The following CEP112 variants were observed in gnomAD, a reference collection of about 807,000 sequenced individuals.
CEP112 encodes centrosomal protein 112, also known as centrosomal protein of 112 kDa.
A neutral mutation model predicts 153.0 loss-of-function variants in CEP112; 127 were observed. That is an observed-to-expected ratio of 0.83 (90% CI 0.72 to 0.96). The LOEUF (loss-of-function observed/expected upper bound fraction) is 0.96. Among genes scored for constraint, CEP112 ranks in the 40% least tolerant of loss-of-function variants. The pLI is 0.00. For missense variants in CEP112, 1,089 were observed against 1,101.2 expected (o/e 0.99, Z 0.16); for synonymous variants, 358 against 374.4 (o/e 0.96, Z 0.51).
intron 9 of CEP112, among the ~76,000 whole-genome samples, chr17:66,067,887 T>C (rs2067180866): frequency 6.6e-6 from 1 of 152,094 alleles, no homozygotes; most frequent in Non-Finnish European, 1.5e-5. Context: ...ATTCTTCAGC[T>C]GGGCATGTCC....
At chr17:65,790,988 A>T (rs925084253) in intron 21 of CEP112, among the ~76,000 whole-genome samples, 4 of 151,978 alleles carry the variant, frequency 2.6e-5, no homozygotes, top group Non-Finnish European at 5.9e-5. Context: ...TCAGCACTGC[A>T]GGCTACCCTA....
intron 23 of CEP112, among the ~76,000 whole-genome samples, chr17:65,738,134 A>C (rs575755684): frequency 6.6e-6 from 1 of 152,254 alleles, no homozygotes; most frequent in Non-Finnish European, 1.5e-5. Context: ...CATCCAATCA[A>C]TTAAGAAACA....
At chr17:65,937,538 C>A (rs1310178026) in intron 18 of CEP112, among the ~76,000 whole-genome samples, 3 of 115,036 alleles carry the variant, frequency 2.6e-5, no homozygotes, top group Non-Finnish European at 3.6e-5. Flanking sequence ...CCCCTCTGCC[C>A]GGCCAGCCGC....
intron 18 of CEP112, among the ~76,000 whole-genome samples, chr17:65,935,977 CA>C (rs1277908024): frequency 6.6e-6 from 1 of 151,362 alleles, no homozygotes; most frequent in Non-Finnish European, 1.5e-5. Flanking sequence ...GTTGGTTTTT[CA>C]AAAAAATAAA....
chr17:66,061,199 T>A (rs2066908792), intron 11 of CEP112, among the ~76,000 whole-genome samples: 1 of 152,010 alleles, frequency 6.6e-6, no homozygotes, highest in Admixed American at 6.6e-5. Context: ...TCACTAATCA[T>A]TAGGGAAAGG....
At chr17:65,779,321 A>T (rs927930520) in intron 21 of CEP112, among the ~76,000 whole-genome samples, 1 of 152,212 alleles carries the variant, frequency 6.6e-6, no homozygotes, top group Non-Finnish European at 1.5e-5. Context: ...CTAATTTGAA[A>T]GCCCCTTCTT....
chr17:65,941,004 TA>T (rs2144479330), intron 18 of CEP112, among the ~76,000 whole-genome samples: 1 of 152,258 alleles, frequency 6.6e-6, no homozygotes, highest in South Asian at 2.1e-4. Context: ...TTGTATCTCA[TA>T]AATATATACA....
intron 16 of CEP112, among the ~76,000 whole-genome samples, chr17:66,027,060 G>A (rs191876707): frequency 9.4e-4 from 143 of 152,254 alleles, no homozygotes; most frequent in Admixed American, 1.6e-3. Context: ...TTAATTACTG[G>A]TTAGCTGAAA....
chr17:65,944,271 T>C (rs990282251), intron 18 of CEP112, among the ~76,000 whole-genome samples: 1 of 152,182 alleles, frequency 6.6e-6, no homozygotes. Context: ...ATGGCACATG[T>C]TTACCTATGT....
intron 6 of CEP112, among the ~76,000 whole-genome samples, chr17:66,112,771 CTG>C (rs1382828302): frequency 6.6e-6 from 1 of 152,186 alleles, no homozygotes; most frequent in Non-Finnish European, 1.5e-5. Context: ...TGGCAAAACC[CTG>C]TCTCTACTAA....
chr17:65,776,500 C>T (rs1168629757), intron 21 of CEP112, among the ~76,000 whole-genome samples: 1 of 152,240 alleles, frequency 6.6e-6, no homozygotes, highest in African/African-American at 2.4e-5. Context: ...TCTGGGATTA[C>T]AGGCGTGAGC....
chr17:66,038,289 T>C (rs2065827148), intron 12 of CEP112, among the ~76,000 whole-genome samples: 1 of 152,172 alleles, frequency 6.6e-6, no homozygotes, highest in South Asian at 2.1e-4. Context: ...ACAAATACTT[T>C]TGTATATACT....
rs573296436 is a variant in CEP112 at position 65,787,901 on chromosome 17, C to T, written c.2395-37177G>A. Among the ~76,000 whole-genome samples, 23 of 152,224 alleles carry T rather than the reference C, an allele frequency of 1.5e-4. 1 individual carries two copies. The South Asian group carries it at 4.6e-3, about 30-fold the overall frequency. On this transcript the variant is annotated intron_variant, in intron 21 of 26. Coordinates refer to ENST00000535342, the MANE Select transcript of CEP112 (RefSeq NM_001199165.4). Reference sequence around the variant, plus strand: ...TTGCTTCCCTCTTTCTAATTTGTATCCTATTTCTTTTTCTTGTATAGCTGT... The same window carrying T: ...TTGCTTCCCTCTTTCTAATTTGTATTCTATTTCTTTTTCTTGTATAGCTGT...
chr17:65,708,873 T>C (rs1354616355), intron 23 of CEP112, among the ~76,000 whole-genome samples: 1 of 152,168 alleles, frequency 6.6e-6, no homozygotes, highest in Non-Finnish European at 1.5e-5. Context: ...AGTGGGGTGG[T>C]CGTGGTGCCT....
intron 20 of CEP112, among the ~76,000 whole-genome samples, chr17:65,891,395 G>T (rs185154135): frequency 6.6e-6 from 1 of 152,196 alleles, no homozygotes; most frequent in East Asian, 1.9e-4. Context: ...TTAACATGCA[G>T]CTCACACTTA....
At chr17:66,090,603 T>C (rs1174205591) in intron 8 of CEP112, among the ~76,000 whole-genome samples, 1 of 151,744 alleles carries the variant, frequency 6.6e-6, no homozygotes, top group Admixed American at 6.6e-5. Flanking sequence ...ATTCATCAAA[T>C]CACAAAGAAA....
At chr17:65,674,021 C>T (rs766856836) in intron 24 of CEP112, among the ~76,000 whole-genome samples, 7 of 152,114 alleles carry the variant, frequency 4.6e-5, no homozygotes, top group Non-Finnish European at 7.4e-5. Flanking sequence ...GGATTACAGG[C>T]GTGCGCCACC....
At position 65,640,955 on chromosome 17, in the gene CEP112, A is replaced by T; in HGVS notation, c.2799+9T>A. ...AATCCTTGGAAAATGCCTTGATTCTAGTAATTACCTGTGATTTTAGGGAGG... is the reference window on the plus strand; with the variant it reads ...AATCCTTGGAAAATGCCTTGATTCTTGTAATTACCTGTGATTTTAGGGAGG... On this transcript the variant is annotated intron_variant, in intron 25 of 26. Transcript: ENST00000535342. 7.3e-7 allele frequency: 1 copy of T among 1,377,232 alleles called. No homozygotes were observed. The highest frequency in any genetic ancestry group is 1.7e-5 in the Admixed American group (1 of 59,556). The allele number at this position is 1,377,232 out of a possible 1,614,324, so 85.3% of individuals were successfully genotyped here. A position where few individuals can be genotyped will look rare whatever the true frequency, so the allele number is the denominator to read the frequency against.
chr17:66,140,194 C>T (rs954052104), intron 4 of CEP112, among the ~76,000 whole-genome samples: 8 of 152,080 alleles, frequency 5.3e-5, no homozygotes, highest in Middle Eastern at 6.8e-3. Flanking sequence ...TCATTTGGAT[C>T]GATGCAGAAA....
Sources: gnomAD v4.1 joint callset for allele counts (sites outside exome capture counted in the v4.1 genomes callset) on GRCh38, gnomAD v4.1.1 for gene constraint, MANE v1.5 for transcripts, NCBI Gene and HGNC (gene_info 2026-07-23, HGNC 2026-07-21) for gene names.